The following IL1RL1 variants were observed in gnomAD, a reference collection of about 807,000 sequenced individuals.
The protein encoded by IL1RL1 is interleukin-1 receptor-like 1.
Under a neutral mutation model 50.9 loss-of-function variants are expected in IL1RL1, and 32 were observed. That is an observed-to-expected ratio of 0.63 (90% confidence interval 0.47 to 0.84). IL1RL1 has a LOEUF of 0.84. Ranked by LOEUF, IL1RL1 falls within the 40% of genes least tolerant of loss-of-function variation. The probability of loss-of-function intolerance (pLI) is 0.00; values close to 1 mark genes in which losing one functional copy is unlikely to be tolerated. For missense variants in IL1RL1, 773 were observed against 662.9 expected (o/e 1.17, Z -1.82); for synonymous variants, 275 against 236.0 (o/e 1.17, Z -1.51).
chr2:102,322,784 A>G lies in IL1RL1; in HGVS notation c.-150+11161A>G, dbSNP rs139333025. Among the ~76,000 whole-genome samples, 241 of 152,334 alleles carry G rather than the reference A, an allele frequency of 1.6e-3. 2 individuals are homozygous for G. Among genetic ancestry groups the G allele is most frequent in the African/African-American group, 5.5e-3 (229 of 41,570 alleles). On this transcript the variant is annotated intron_variant, in intron 1 of 10. Transcript: ENST00000233954. ...AGCACAGAAAGCATTTCTTCTTCCC[A>G]GAGAGTTGCCCTCACACCTTTCCAA... is the stretch of plus-strand genomic sequence containing the variant.
intron 1 of IL1RL1, among the ~76,000 whole-genome samples, chr2:102,318,293 G>A (rs560672410): frequency 5.9e-5 from 9 of 152,274 alleles, no homozygotes; most frequent in Admixed American, 3.9e-4. Flanking sequence ...AGTTCTGGCT[G>A]TATTTGGAAA....
At chr2:102,324,637 C>T (rs988621404) in intron 1 of IL1RL1, among the ~76,000 whole-genome samples, 2 of 152,168 alleles carry the variant, frequency 1.3e-5, no homozygotes, top group Non-Finnish European at 2.9e-5. Context: ...CCTGGAAAAT[C>T]GGGTCACTCC....
intron 1 of IL1RL1, among the ~76,000 whole-genome samples, chr2:102,317,671 G>T (rs1470019990): frequency 1.3e-5 from 2 of 152,004 alleles, no homozygotes. Flanking sequence ...AAAAAGATTT[G>T]ATTTCAGTAA....
chr2:102,345,620 C>A (rs1677756317), intron 8 of IL1RL1: 1 of 985,308 alleles, frequency 1.0e-6, no homozygotes, highest in African/African-American at 1.7e-5. Flanking sequence ...GTAATCGTGG[C>A]AGGTCTCTGC....
chr2:102,347,583 A>C (rs892964066), intron 8 of IL1RL1, among the ~76,000 whole-genome samples: 5 of 151,876 alleles, frequency 3.3e-5, no homozygotes, highest in Non-Finnish European at 7.4e-5. Flanking sequence ...CCTGAATCCT[A>C]CTCATCTTTC....
At chr2:102,341,293 A>C in intron 5 of IL1RL1, 1 of 1,253,494 alleles carries the variant, frequency 8.0e-7, no homozygotes, top group Admixed American at 3.1e-5. Flanking sequence ...TATGGTGTAC[A>C]TAAATGTTGT....
At chr2:102,324,270 C>T (rs1336228254) in intron 1 of IL1RL1, among the ~76,000 whole-genome samples, 7 of 152,192 alleles carry the variant, frequency 4.6e-5, no homozygotes, top group South Asian at 2.1e-4. Context: ...TCATGTTACA[C>T]TCCATCAATG....
intron 8 of IL1RL1, chr2:102,345,023 A>G (rs1246199891): frequency 1.1e-6 from 1 of 951,772 alleles, no homozygotes; most frequent in South Asian, 4.9e-5. Flanking sequence ...TTATATATAA[A>G]TAATTGGTGG....
intron 1 of IL1RL1, among the ~76,000 whole-genome samples, chr2:102,321,955 C>T (rs1327667699): frequency 6.6e-6 from 1 of 152,180 alleles, no homozygotes; most frequent in Non-Finnish European, 1.5e-5. Context: ...TATGTGCTGT[C>T]TTAGAATTCT....
intron 4 of IL1RL1, among the ~76,000 whole-genome samples, 196 bp downstream of exon 4, chr2:102,340,468 C>G (rs1011566017): frequency 6.6e-6 from 1 of 152,108 alleles, no homozygotes; most frequent in Non-Finnish European, 1.5e-5. Flanking sequence ...TAAAAATCAG[C>G]TGGGTGTGGT....
chr2:102,314,879 G>C (rs1415175267), intron 1 of IL1RL1, among the ~76,000 whole-genome samples: 1 of 152,068 alleles, frequency 6.6e-6, no homozygotes, highest in Non-Finnish European at 1.5e-5. Context: ...ATGCAGTACT[G>C]ATAATGCCAA....
intron 6 of IL1RL1, 74 bp downstream of exon 6, chr2:102,342,368 C>A: frequency 9.4e-7 from 1 of 1,059,770 alleles, no homozygotes. Flanking sequence ...TCTGAATTCC[C>A]TTAGCAGGGG....
chr2:102,322,079 T>A (rs994932645), intron 1 of IL1RL1, among the ~76,000 whole-genome samples: 26 of 152,206 alleles, frequency 1.7e-4, no homozygotes, highest in Admixed American at 1.7e-3. Flanking sequence ...TTGTGGGGCC[T>A]GGCAGTCTAA....
chr2:102,342,156 A>T (rs1300307347), intron 5 of IL1RL1, 67 bp from the exon 6 acceptor site: 4 of 1,145,856 alleles, frequency 3.5e-6, no homozygotes, highest in Non-Finnish European at 5.1e-6. Flanking sequence ...GAAACATGAA[A>T]ATACAAGCTT....
At chr2:102,350,638 T>C (rs1476284906) in intron 10 of IL1RL1, among the ~76,000 whole-genome samples, 1 of 152,256 alleles carries the variant, frequency 6.6e-6, no homozygotes, top group Non-Finnish European at 1.5e-5. Context: ...CCTGGGTGGC[T>C]GATCATCATG....
intron 6 of IL1RL1, 145 bp from the exon 7 acceptor site, chr2:102,342,887 TAGAA>T (rs1405051237): frequency 5.9e-5 from 43 of 725,856 alleles, no homozygotes; most frequent in South Asian, 9.0e-5. Flanking sequence ...AGAGAGGACA[TAGAA>T]AGAGGAAGGT....
chr2:102,317,543 T>A (rs1174347112), intron 1 of IL1RL1, among the ~76,000 whole-genome samples: 5 of 152,152 alleles, frequency 3.3e-5, no homozygotes, highest in Non-Finnish European at 7.3e-5. Context: ...TACAAAGTGG[T>A]AGTTGATGAG....
In IL1RL1 at chr2:102,351,633, G is replaced by A. The variant is rs1014749944; in HGVS notation, c.1383G>A (p.Glu461=). The change falls in exon 11 of 11, where the codon GAG becomes GAA. Residue 461 remains glutamate, a synonymous_variant. Transcript: ENST00000233954. ...CTCACAATAAGGAGTTTGCCTACGA[G>A]CAGGAGGTTGCCCTGCACTGTGCCC... ...QITHNKEFAY[E]QEVALHCALI... The A allele has an allele frequency of 3.1e-6, 5 of 1,613,992 alleles. No individual in the cohort carries two copies. Among genetic ancestry groups the A allele is most frequent in the African/African-American group, 1.3e-5 (1 of 74,904 alleles).
intron 1 of IL1RL1, among the ~76,000 whole-genome samples, chr2:102,317,748 G>C (rs556391686): frequency 1.8e-4 from 28 of 152,070 alleles, no homozygotes; most frequent in Non-Finnish European, 3.5e-4. Flanking sequence ...TGTGTTGCAA[G>C]TTATAAATGC....
Sources: gnomAD v4.1 joint callset for allele counts (sites outside exome capture counted in the v4.1 genomes callset) on GRCh38, gnomAD v4.1.1 for gene constraint, MANE v1.5 for transcripts, NCBI Gene and HGNC (gene_info 2026-07-23, HGNC 2026-07-21) for gene names.